Variants in DDX60L observed in about 807,000 individuals in gnomAD.
The protein encoded by DDX60L is probable ATP-dependent RNA helicase DDX60-like.
Under a neutral mutation model 211.6 loss-of-function variants are expected in DDX60L, and 191 were observed. The observed-to-expected ratio is 0.90, with a 90% CI of 0.80 to 1.02. The LOEUF is 1.02. Among genes scored for constraint, DDX60L ranks in the 50% least tolerant of loss-of-function variants. The probability of loss-of-function intolerance (pLI) is 0.00; values close to 1 mark genes in which losing one functional copy is unlikely to be tolerated. For missense variants in DDX60L, 2,007 were observed against 1,984.1 expected, an observed-to-expected ratio of 1.01 and a Z score of -0.22; for synonymous variants, 706 against 694.1, an observed-to-expected ratio of 1.02 and a Z score of -0.27.
rs865950212 is a variant in DDX60L, at chr4:168,476,065, A to C, written c.-110-3256T>G. 3.9e-5 allele frequency: 6 copies of C among 152,222 alleles called. No homozygotes were observed. The South Asian group carries it at 6.2e-4, about 16-fold the overall frequency. The allele number at this position is 152,222 out of a possible 1,614,324, so 9.4% of individuals were successfully genotyped here. A position where few individuals can be genotyped will look rare whatever the true frequency, so the allele number is the denominator to read the frequency against. ...CAGCCTCCAGAATAGTGAGAAATAA[A>C]TTTCTGTTGTTTAAGCCACCACTCT... On this transcript the variant is annotated intron_variant, in intron 1 of 37. Coordinates refer to ENST00000682922, the MANE Select transcript of DDX60L (RefSeq NM_001012967.3).
chr4:168,379,233 G>T, intron 32 of DDX60L, 130 bp downstream of exon 32: 1 of 821,060 alleles, frequency 1.2e-6, no homozygotes, highest in Non-Finnish European at 1.8e-6. Context: ...CTGTAAATCT[G>T]AACATATACT....
chr4:168,415,465 T>A lies in DDX60L; in HGVS notation c.2922A>T (p.Lys974Asn). 6.2e-7 allele frequency: 1 copy of A among 1,607,422 alleles called. No homozygotes were observed. Among genetic ancestry groups the A allele is most frequent in the Admixed American group, 1.7e-5 (1 of 59,528 alleles). The change falls in exon 22 of 38, where the codon AAA (lysine) becomes AAT (asparagine). Residue 974 changes from lysine to asparagine, a missense_variant. Physicochemically the swap from Lys to Asn is moderately conservative, Grantham distance 94 (BLOSUM62 0). Transcript: ENST00000682922. Reference sequence around the variant, plus strand: ...AATGATCAAAATAAACATCATCATGTTTTACTGAACATATATGCTTCTCTA... The same window carrying A: ...AATGATCAAAATAAACATCATCATGATTTACTGAACATATATGCTTCTCTA... ...NDLEKHICSVKHDDVYFDHFH... is the reference protein window; with the variant it reads ...NDLEKHICSVNHDDVYFDHFH...
At chr4:168,383,046 C>T (rs1226301568) in intron 30 of DDX60L, among the ~76,000 whole-genome samples, 1 of 152,020 alleles carries the variant, frequency 6.6e-6, no homozygotes, top group Non-Finnish European at 1.5e-5. Context: ...AATGTAATTG[C>T]CTTATTAAAG....
chr4:168,409,037 T>C (rs945524205), intron 22 of DDX60L, among the ~76,000 whole-genome samples: 1 of 152,256 alleles, frequency 6.6e-6, no homozygotes, highest in African/African-American at 2.4e-5. Context: ...TATACTCATT[T>C]GGATAGACCA....
At chr4:168,368,915 C>T (rs1316032246) in intron 36 of DDX60L, among the ~76,000 whole-genome samples, 1 of 152,192 alleles carries the variant, frequency 6.6e-6, no homozygotes, top group Non-Finnish European at 1.5e-5. Flanking sequence ...AATCCTCATA[C>T]CCCCACTGTA....
At chr4:168,478,301 G>C (rs113734007) in intron 1 of DDX60L, among the ~76,000 whole-genome samples, 4 of 61,978 alleles carry the variant, frequency 6.5e-5, no homozygotes, top group Non-Finnish European at 1.4e-4. Context: ...TACCCTCCCA[G>C]GCCAGACTAT....
At position 168,396,034 on chromosome 4, in the gene DDX60L, A is replaced by G; in HGVS notation, c.3582T>C (p.Ile1194=). Residue 1194 remains isoleucine, a synonymous_variant, in exon 27 of 38, where the codon ATT becomes ATC. Transcript: ENST00000682922. ...EYINFLENLK[I]LEISEDCTYA... is the part of the protein sequence containing the mutation. ...ACGTGCAGTCCTCAGAAATTTCCAG[A>G]ATCTTCAGATTCTCCAGGAAATTAA... The G allele has an allele frequency of 6.2e-7, 1 of 1,610,054 alleles. No homozygotes were observed. The highest frequency in any genetic ancestry group is 1.1e-5 in the South Asian group (1 of 90,930).
intron 37 of DDX60L, 115 bp downstream of exon 37, chr4:168,361,031 CAAT>C (rs1406750676): frequency 8.0e-6 from 6 of 749,838 alleles, no homozygotes; most frequent in Non-Finnish European, 1.1e-5. Flanking sequence ...CTGGGAGGCT[CAAT>C]AGTATCTTCA....
At position 168,474,418 on chromosome 4, in the gene DDX60L, T is replaced by C. The variant is rs974372935; in HGVS notation, c.-110-1609A>G. Among the ~76,000 whole-genome samples the C allele has an allele frequency of 7.3e-5, 11 of 151,638 alleles. 1 individual carries two copies. Among genetic ancestry groups the C allele is most frequent in the African/African-American group, 2.7e-4 (11 of 41,284 alleles). On this transcript the variant is annotated intron_variant, in intron 1 of 37. Coordinates refer to ENST00000682922, the MANE Select transcript of DDX60L (RefSeq NM_001012967.3). ...GAAAATAAACACCAAAAATGACAAA[T>C]AAATAAACAAACTAAAAAACATCAA...
chr4:168,474,752 G>A (rs770946076), intron 1 of DDX60L, among the ~76,000 whole-genome samples: 2 of 152,114 alleles, frequency 1.3e-5, no homozygotes, highest in African/African-American at 2.4e-5. Context: ...AAGATTGATC[G>A]AAGCTTATAT....
chr4:168,477,898 TAAG>T (rs1357358560), intron 1 of DDX60L, among the ~76,000 whole-genome samples: 3 of 152,122 alleles, frequency 2.0e-5, no homozygotes, highest in African/African-American at 7.2e-5. Context: ...AGAAATGTCT[TAAG>T]AAGGAACTGG....
chr4:168,477,446 T>C (rs1048882222), intron 1 of DDX60L, among the ~76,000 whole-genome samples: 3 of 152,028 alleles, frequency 2.0e-5, no homozygotes, highest in Admixed American at 6.6e-5. Context: ...CTTCCTATCA[T>C]TGCATAATGG....
chr4:168,456,043 A>C lies in DDX60L; in HGVS notation c.833T>G (p.Val278Gly). The change falls in exon 7 of 38, where the codon GTC becomes GGC. Residue 278 changes from valine to glycine, a missense_variant. Transcript: ENST00000682922. ...GGCTGTGTTCTTTTTACTTACTAAG[A>C]CACGATGGTACATTCTCAAGGATAG... ...CSLSLRMYHR[V>G]LVHSNCLSLQ... 1 of 1,580,292 alleles carries C rather than the reference A, an allele frequency of 6.3e-7. No individual in the cohort carries two copies. Among genetic ancestry groups the C allele is most frequent in the South Asian group, 1.2e-5 (1 of 84,492 alleles).
At chr4:168,474,962 T>G (rs1561149212) in intron 1 of DDX60L, among the ~76,000 whole-genome samples, 1 of 152,100 alleles carries the variant, frequency 6.6e-6, no homozygotes, top group South Asian at 2.1e-4. Flanking sequence ...GCTAGATATA[T>G]CCTGATAAAA....
At chr4:168,453,334 G>A in intron 7 of DDX60L, 52 bp from the exon 8 acceptor site, 1 of 1,552,560 alleles carries the variant, frequency 6.4e-7, no homozygotes, top group Non-Finnish European at 8.7e-7. Context: ...CTGTGAAATG[G>A]CATTGAAATA....
intron 19 of DDX60L, 49 bp downstream of exon 19, chr4:168,419,253 G>A: frequency 7.9e-7 from 1 of 1,268,086 alleles, no homozygotes; most frequent in Non-Finnish European, 1.1e-6. Flanking sequence ...ACAAATTATA[G>A]GGTGTATGCA....
At chr4:168,442,369 G>A (rs1047845865) in intron 9 of DDX60L, among the ~76,000 whole-genome samples, 25 of 152,186 alleles carry the variant, frequency 1.6e-4, no homozygotes, top group South Asian at 4.2e-4. Context: ...ACGGAGTCTC[G>A]CTGATTGCTA....
At chr4:168,457,220 A>C (rs541143301) in intron 6 of DDX60L, among the ~76,000 whole-genome samples, 9 of 151,558 alleles carry the variant, frequency 5.9e-5, no homozygotes, top group South Asian at 2.1e-4. Context: ...TGTCTGAAAA[A>C]AAAACAAAAC....
chr4:168,422,832 G>T (rs1750853650), intron 15 of DDX60L, among the ~76,000 whole-genome samples, 162 bp from the exon 16 acceptor site: 1 of 151,932 alleles, frequency 6.6e-6, no homozygotes, highest in Non-Finnish European at 1.5e-5. Flanking sequence ...CTGGAGTGCA[G>T]TGACGCCATC....
Sources: gnomAD v4.1 joint callset for allele counts (sites outside exome capture counted in the v4.1 genomes callset) on GRCh38, gnomAD v4.1.1 for gene constraint, MANE v1.5 for transcripts, NCBI Gene and HGNC (gene_info 2026-07-23, HGNC 2026-07-21) for gene names.